The following WWC1 variants were observed in gnomAD, a reference collection of about 807,000 sequenced individuals.
WWC1 encodes WW and C2 domain containing 1.
In WWC1, 55 loss-of-function variants were observed where a neutral mutation model predicts 138.4. The observed-to-expected ratio is 0.40, with a 90% CI of 0.32 to 0.50. The LOEUF is 0.50. Among genes scored for constraint, WWC1 ranks in the 20% least tolerant of loss-of-function variants. The pLI, the probability that WWC1 is intolerant of heterozygous loss-of-function variation, is 0.72. For synonymous variants in WWC1, 524 were observed against 564.9 expected (o/e 0.93, Z 1.03); for missense variants, 1,226 against 1,420.4 (o/e 0.86, Z 2.20).
intron 3 of WWC1, among the ~76,000 whole-genome samples, chr5:168,387,154 T>TA (rs1778106069): frequency 6.6e-6 from 1 of 152,330 alleles, no homozygotes; most frequent in South Asian, 2.1e-4. Context: ...TGGTGAGAGA[T>TA]AGTGGTAACT....
chr5:168,397,636 T>C, intron 3 of WWC1, 88 bp from the exon 4 acceptor site: 1 of 1,381,694 alleles, frequency 7.2e-7, no homozygotes, highest in Non-Finnish European at 1.0e-6. Flanking sequence ...GTCCTTCCCT[T>C]TCTAGGTTTA....
chr5:168,302,875 A>C (rs1187558803), intron 1 of WWC1, among the ~76,000 whole-genome samples: 1 of 152,206 alleles, frequency 6.6e-6, no homozygotes. Flanking sequence ...CATGGAGCTT[A>C]CTTTCAAATG....
At chr5:168,455,639 C>T (rs1206074885) in intron 19 of WWC1, 119 bp downstream of exon 19, 1 of 1,284,380 alleles carries the variant, frequency 7.8e-7, no homozygotes, top group Non-Finnish European at 1.1e-6. Flanking sequence ...GTTAACACCT[C>T]AGAGCCTCAG....
intron 2 of WWC1, among the ~76,000 whole-genome samples, chr5:168,373,021 A>G (rs1226634593): frequency 6.6e-6 from 1 of 152,232 alleles, no homozygotes; most frequent in African/African-American, 2.4e-5. Flanking sequence ...AATGGCATTA[A>G]TTGCATTGTT....
chr5:168,377,559 A>G (rs1313417328), intron 2 of WWC1, among the ~76,000 whole-genome samples: 2 of 152,076 alleles, frequency 1.3e-5, no homozygotes, highest in Non-Finnish European at 2.9e-5. Context: ...TCCAGAATCT[A>G]TAAGGAACTT....
chr5:168,313,349 G>A (rs1771284956), intron 1 of WWC1, among the ~76,000 whole-genome samples: 2 of 152,026 alleles, frequency 1.3e-5, no homozygotes, highest in African/African-American at 4.8e-5. Context: ...CCAGAACTTT[G>A]GGAGGCCGAG....
At chr5:168,453,250 C>T (rs4976613) in intron 17 of WWC1, among the ~76,000 whole-genome samples, 16,468 of 151,966 alleles carry the variant, frequency 0.11, 1,265 homozygotes, top group Non-Finnish European at 0.16. Context: ...AGGAATGAAC[C>T]GCTGATGCAT....
chr5:168,331,808 CA>C (rs1773053819), intron 1 of WWC1, among the ~76,000 whole-genome samples: 1 of 152,168 alleles, frequency 6.6e-6, no homozygotes, highest in Non-Finnish European at 1.5e-5. Context: ...AATCAAAATT[CA>C]AAGTAATTGT....
intron 1 of WWC1, among the ~76,000 whole-genome samples, chr5:168,365,978 C>T (rs577484568): frequency 2.0e-5 from 3 of 152,156 alleles, no homozygotes; most frequent in Non-Finnish European, 4.4e-5. Context: ...TTGCTTCACC[C>T]GAGGGTGGGG....
chr5:168,296,397 G>A (rs1769541525), intron 1 of WWC1, among the ~76,000 whole-genome samples: 1 of 152,076 alleles, frequency 6.6e-6, no homozygotes, highest in Admixed American at 6.5e-5. Context: ...TAATTGATAT[G>A]GTAGGAAGTC....
Position 168,414,533 on chromosome 5 carries a change from G to A in WWC1, c.1127G>A (p.Arg376Gln), listed in dbSNP as rs761235071. Residue 376 changes from arginine (R) to glutamine (Q), a missense_variant, in exon 9 of 23, where the codon CGG becomes CAG. Around this residue, in one of 3 missense-constraint regions of WWC1, gnomAD observed 1,016 missense variants for 1,153.9 expected, o/e 0.88. Transcript: ENST00000265293. Reference sequence around the variant, plus strand: ...GAGCAGCTGGAGATGGCCCGGAAGCGGCTGGAAAAGGACCTGCAGGCAGCC... The same window carrying A: ...GAGCAGCTGGAGATGGCCCGGAAGCAGCTGGAAAAGGACCTGCAGGCAGCC... ...EVEQLEMARKRLEKDLQAARD... is the reference protein window; with the variant it reads ...EVEQLEMARKQLEKDLQAARD... 75 of 1,554,962 alleles carry A rather than the reference G, an allele frequency of 4.8e-5. No individual in the cohort carries two copies. Among genetic ancestry groups the A allele is most frequent in the East Asian group, 1.9e-4 (8 of 41,406 alleles).
intron 2 of WWC1, among the ~76,000 whole-genome samples, chr5:168,379,678 G>A (rs1777472289): frequency 6.6e-6 from 1 of 152,164 alleles, no homozygotes; most frequent in African/African-American, 2.4e-5. Flanking sequence ...GGTATTACAG[G>A]CATGAGCCAC....
At chr5:168,319,744 C>T (rs532741929) in intron 1 of WWC1, among the ~76,000 whole-genome samples, 4 of 152,226 alleles carry the variant, frequency 2.6e-5, no homozygotes, top group African/African-American at 7.2e-5. Flanking sequence ...CAAAGCAGTC[C>T]GCCCACCTTG....
chr5:168,302,644 G>A (rs956118607), intron 1 of WWC1, among the ~76,000 whole-genome samples: 1 of 152,154 alleles, frequency 6.6e-6, no homozygotes, highest in African/African-American at 2.4e-5. Context: ...CCAACTCGTA[G>A]AATTTACTAC....
At chr5:168,333,267 T>A (rs1175822912) in intron 1 of WWC1, among the ~76,000 whole-genome samples, 2 of 152,218 alleles carry the variant, frequency 1.3e-5, no homozygotes, top group African/African-American at 4.8e-5. Context: ...CTTTCTCCTC[T>A]CCTTCCTCAA....
intron 13 of WWC1, 92 bp downstream of exon 13, chr5:168,428,879 G>A (rs866439418): frequency 1.7e-5 from 24 of 1,382,672 alleles, no homozygotes; most frequent in East Asian, 7.1e-5. Flanking sequence ...CTTCACAGCC[G>A]CCCAGGGTGG....
intron 17 of WWC1, among the ~76,000 whole-genome samples, chr5:168,448,700 G>T (rs1219204145): frequency 6.8e-6 from 1 of 146,214 alleles, no homozygotes; most frequent in Non-Finnish European, 1.5e-5. Context: ...CTCACTGCAA[G>T]CTCCGCCACC....
At chr5:168,298,303 T>C (rs770877115) in intron 1 of WWC1, among the ~76,000 whole-genome samples, 1 of 152,108 alleles carries the variant, frequency 6.6e-6, no homozygotes, top group Non-Finnish European at 1.5e-5. Context: ...CCTCCCAAAG[T>C]GTTAGGATTA....
At chr5:168,386,938 C>T (rs183562521) in intron 3 of WWC1, among the ~76,000 whole-genome samples, 16 of 152,362 alleles carry the variant, frequency 1.1e-4, no homozygotes, top group African/African-American at 3.8e-4. Context: ...GTGTGAGCCA[C>T]CATGCCAAGC....
Sources: allele counts gnomAD v4.1 joint callset (sites outside exome capture counted in the v4.1 genomes callset), GRCh38; gene constraint gnomAD v4.1.1; regional missense constraint gnomAD v4.1.1; transcripts MANE v1.5; gene names NCBI Gene and HGNC (gene_info 2026-07-23, HGNC 2026-07-21).